Variants in TRMT2B observed in about 807,000 individuals in gnomAD.
TRMT2B encodes tRNA methyltransferase 2B.
In TRMT2B, 34 loss-of-function variants were observed where a neutral mutation model predicts 39.7. The observed-to-expected ratio is 0.86, with a 90% CI of 0.65 to 1.14. TRMT2B has a LOEUF of 1.14. Ranked by LOEUF, TRMT2B falls within the 50% of genes most tolerant of loss-of-function variation. The pLI, the probability that TRMT2B is intolerant of heterozygous loss-of-function variation, is 0.00. For missense variants in TRMT2B, 318 were observed against 377.2 expected (o/e 0.84, Z 1.30); for synonymous variants, 132 against 137.3 (o/e 0.96, Z 0.27).
intron 2 of TRMT2B, among the ~76,000 whole-genome samples, 164 bp downstream of exon 2, chrX:101,051,084 CAAA>C (rs36049036): frequency 1.3e-5 from 1 of 75,240 alleles, no homozygotes; most frequent in Non-Finnish European, 2.6e-5. Context: ...TTTTCCTCAG[CAAA>C]AAAAAAAAAA....
chrX:101,012,054 T>C (rs957059517), intron 13 of TRMT2B, among the ~76,000 whole-genome samples: 3 of 111,431 alleles, frequency 2.7e-5, no homozygotes, highest in Non-Finnish European at 5.7e-5. Context: ...GTAGAAGGAG[T>C]ATCTGCTAAA....
chrX:101,023,934 G>A (rs1385074011), intron 7 of TRMT2B, among the ~76,000 whole-genome samples: 2 of 110,758 alleles, frequency 1.8e-5, no homozygotes, highest in Admixed American at 9.7e-5. Context: ...TGCAACCTCC[G>A]CCACCCGGGT....
chrX:101,016,558 C>G (rs73250662), intron 13 of TRMT2B, among the ~76,000 whole-genome samples: 4,299 of 108,859 alleles, frequency 0.039, 103 homozygotes, highest in Non-Finnish European at 0.062. Flanking sequence ...TTTACTGCAG[C>G]CTTGACCTCC....
intron 2 of TRMT2B, among the ~76,000 whole-genome samples, chrX:101,050,196 G>C (rs970957029): frequency 8.9e-6 from 1 of 111,832 alleles, no homozygotes; most frequent in Non-Finnish European, 1.9e-5. Flanking sequence ...GTCCATCTAG[G>C]TCTCTTCCAA....
chrX:100,991,170 G>A, the TRMT2B span, among the ~76,000 whole-genome samples: 1 of 111,411 alleles, frequency 9.0e-6, no homozygotes. Context: ...GTACTTACTG[G>A]TTGAGCATCC....
rs16983714 is a variant in TRMT2B, at chrX:101,025,495, A to G, written c.610-1879T>C. On this transcript the variant is annotated intron_variant, in intron 7 of 13. Transcript: ENST00000372936. ...GTGTTCTGGGTCCACTGGGTTCTCA[A>G]ACAAACCACAAATTATGTAGTAAAG... Among the ~76,000 whole-genome samples the G allele has an allele frequency of 4.0e-3, 442 of 111,773 alleles. 3 individuals carry two copies. The highest frequency in any genetic ancestry group is 0.013 in the African/African-American group (415 of 30,826).
intron 4 of TRMT2B, among the ~76,000 whole-genome samples, chrX:101,040,670 T>G (rs751358979): frequency 8.9e-6 from 1 of 111,736 alleles, no homozygotes; most frequent in Non-Finnish European, 1.9e-5. Flanking sequence ...ATTGACTGTA[T>G]TCAAATTTAA....
chrX:100,982,501 AT>A, the TRMT2B span, among the ~76,000 whole-genome samples: 4 of 108,801 alleles, frequency 3.7e-5, no homozygotes, highest in East Asian at 1.1e-3. Context: ...AAATAAATAA[AT>A]AAATAAAATG....
intron 4 of TRMT2B, among the ~76,000 whole-genome samples, chrX:101,039,478 AAGGCTCAT>A (rs745677898): frequency 8.9e-6 from 1 of 112,403 alleles, no homozygotes; most frequent in East Asian, 2.8e-4. Context: ...AAAAGATCTC[AAGGCTCAT>A]GGGAAAAACA....
chrX:101,012,411 C>T lies in TRMT2B; in HGVS notation c.1389-1704G>A, dbSNP rs892902683. Reference sequence around the variant, plus strand: ...TATGTATACATGTGCCATGCTGGTGCGCTGCCCCCACTAACTCATCATCTA... The same window carrying T: ...TATGTATACATGTGCCATGCTGGTGTGCTGCCCCCACTAACTCATCATCTA... On this transcript the variant is annotated intron_variant, in intron 13 of 13. Coordinates refer to ENST00000372936, the MANE Select transcript of TRMT2B (RefSeq NM_024917.6). 3.6e-4 allele frequency among the ~76,000 whole-genome samples: 39 copies of T among 107,522 alleles called. 1 individual carries two copies. Among genetic ancestry groups the T allele is most frequent in the Admixed American group, 2.0e-4 (2 of 9,870 alleles). 93.4% of individuals were successfully genotyped at this position (107,522 alleles called of 115,157 possible). A position where few individuals can be genotyped will look rare whatever the true frequency, so the allele number is the denominator to read the frequency against.
the TRMT2B span, chrX:100,990,610 G>T: frequency 1.7e-6 from 2 of 1,145,533 alleles, no homozygotes; most frequent in Non-Finnish European, 2.3e-6. Flanking sequence ...AGAGTGAGAT[G>T]GCATCCATTG....
the TRMT2B span, among the ~76,000 whole-genome samples, chrX:100,995,966 AT>A: frequency 0.015 from 1,569 of 103,961 alleles, 12 homozygotes; most frequent in Non-Finnish European, 0.019. Flanking sequence ...CTTAATATAC[AT>A]TTTTTTTTTT....
At chrX:100,982,327 A>G in the TRMT2B span, among the ~76,000 whole-genome samples, 4 of 110,722 alleles carry the variant, frequency 3.6e-5, no homozygotes, top group Admixed American at 3.9e-4. Flanking sequence ...CCCCGTCTCT[A>G]CTAAAAATAC....
the TRMT2B span, among the ~76,000 whole-genome samples, chrX:100,975,982 C>T: frequency 1.8e-5 from 2 of 111,554 alleles, no homozygotes; most frequent in Admixed American, 9.6e-5. Flanking sequence ...TTAGCAGCTC[C>T]AAGCCTCACA....
intron 7 of TRMT2B, among the ~76,000 whole-genome samples, chrX:101,029,953 T>G (rs754098169): frequency 1.1e-3 from 121 of 111,396 alleles, no homozygotes; most frequent in African/African-American, 3.6e-3. Flanking sequence ...GGCTAAAAAG[T>G]CTAGATGCAA....
At chrX:101,044,039 C>T (rs751847147) in intron 2 of TRMT2B, among the ~76,000 whole-genome samples, 1 of 110,494 alleles carries the variant, frequency 9.1e-6, no homozygotes, top group African/African-American at 3.3e-5. Context: ...GTCAGGAGTT[C>T]GAGACCAGAC....
At chrX:101,028,112 C>CTTT (rs1161374681) in intron 7 of TRMT2B, among the ~76,000 whole-genome samples, 189 of 78,411 alleles carry the variant, frequency 2.4e-3, no homozygotes, top group Middle Eastern at 8.3e-3. Flanking sequence ...ACTTCTTGCT[C>CTTT]TTTTTTTTTT....
the TRMT2B span, among the ~76,000 whole-genome samples, chrX:100,992,437 C>T: frequency 2.7e-5 from 3 of 110,587 alleles, no homozygotes; most frequent in Non-Finnish European, 3.8e-5. Flanking sequence ...AAAAATTAGC[C>T]GGGCATGGTG....
chrX:101,050,692 C>G (rs762733839), intron 2 of TRMT2B, among the ~76,000 whole-genome samples: 1 of 108,919 alleles, frequency 9.2e-6, no homozygotes, highest in South Asian at 4.0e-4. Flanking sequence ...CCATTGCACT[C>G]CAGCCTGGGC....
Sources: gnomAD v4.1 joint callset for allele counts (sites outside exome capture counted in the v4.1 genomes callset) on GRCh38, gnomAD v4.1.1 for gene constraint, MANE v1.5 for transcripts, NCBI Gene and HGNC (gene_info 2026-07-23, HGNC 2026-07-21) for gene names.